TRPM8: variants seen among roughly 807,000 people sequenced by gnomAD.
The protein encoded by TRPM8 is TRPM8 cationic channel.
TRPM8 carries 110 observed loss-of-function variants against 133.7 expected under a neutral mutation model. The ratio of observed to expected loss-of-function variants is 0.82; its 90% CI spans 0.70 to 0.96. The LOEUF is 0.96. Among genes scored for constraint, TRPM8 ranks in the 40% least tolerant of loss-of-function variants. The probability of loss-of-function intolerance (pLI) is 0.00; values close to 1 mark genes in which losing one functional copy is unlikely to be tolerated. For missense variants in TRPM8, 1,291 were observed against 1,379.5 expected (o/e 0.94, Z 1.02); for synonymous variants, 535 against 532.3 (o/e 1.01, Z -0.07).
chr2:233,926,912 A>G (rs181297131), intron 2 of TRPM8, among the ~76,000 whole-genome samples: 2 of 152,062 alleles, frequency 1.3e-5, no homozygotes, highest in Admixed American at 1.3e-4. Context: ...ACTCCTTCAC[A>G]CTGTCTCTCC....
intron 23 of TRPM8, 37 bp from the exon 24 acceptor site, chr2:234,008,033 C>A: frequency 1.9e-6 from 3 of 1,601,466 alleles, no homozygotes; most frequent in Non-Finnish European, 1.7e-6. Context: ...ATCTGTTTTT[C>A]TCTTGTTCAC....
chr2:234,012,786 A>G (rs973859279), intron 24 of TRPM8, among the ~76,000 whole-genome samples: 3 of 151,732 alleles, frequency 2.0e-5, no homozygotes, highest in African/African-American at 4.8e-5. Context: ...AGTTCCTTCT[A>G]TATCGATTTT....
chr2:233,947,042 T>C (rs1481237768), intron 7 of TRPM8, 46 bp from the exon 8 acceptor site: 1 of 1,577,718 alleles, frequency 6.3e-7, no homozygotes, highest in East Asian at 2.2e-5. Flanking sequence ...GGTAGGTGAG[T>C]ATTTCTAATG....
At chr2:233,995,413 T>A (rs1231032826) in intron 21 of TRPM8, among the ~76,000 whole-genome samples, 3 of 152,228 alleles carry the variant, frequency 2.0e-5, no homozygotes, top group African/African-American at 7.2e-5. Context: ...TTAATCATTA[T>A]GGAAGTAATT....
intron 7 of TRPM8, among the ~76,000 whole-genome samples, chr2:233,946,510 C>T (rs2125116816): frequency 6.6e-6 from 1 of 152,258 alleles, no homozygotes; most frequent in Middle Eastern, 3.4e-3. Context: ...GAGTGAAAGC[C>T]ATTATTTGCC....
At chr2:233,970,077 T>C in intron 16 of TRPM8, 133 bp from the exon 17 acceptor site, 2 of 868,640 alleles carry the variant, frequency 2.3e-6, no homozygotes, top group African/African-American at 3.3e-5. Context: ...TGGTTCCATC[T>C]TAGGACACGG....
At chr2:233,976,892 A>G (rs564085479) in intron 17 of TRPM8, among the ~76,000 whole-genome samples, 1 of 152,166 alleles carries the variant, frequency 6.6e-6, no homozygotes, top group African/African-American at 2.4e-5. Flanking sequence ...TCTGGTCTGC[A>G]GACTCATGCA....
rs1270949146 is a variant in TRPM8 at position 234,014,559 on chromosome 2, A to C, written c.3265-3A>C. 6.5e-7 allele frequency: 1 copy of C among 1,538,336 alleles called. No homozygotes were observed. The highest frequency in any genetic ancestry group is 8.7e-7 in the Non-Finnish European group (1 of 1,146,370). On this transcript the variant is annotated splice_region_variant and splice_polypyrimidine_tract_variant and intron_variant, in intron 24 of 25. Transcript: ENST00000324695. ...ATGAGTTCTATTTTTTTCTCTTTCCAAGCTTAATGATCTCAAGGGTCTTCT... is the reference window on the plus strand; with the variant it reads ...ATGAGTTCTATTTTTTTCTCTTTCCCAGCTTAATGATCTCAAGGGTCTTCT...
intron 1 of TRPM8, among the ~76,000 whole-genome samples, chr2:233,920,560 C>T (rs1308074806): frequency 6.6e-6 from 1 of 152,198 alleles, no homozygotes; most frequent in East Asian, 1.9e-4. Context: ...AACTTGCATT[C>T]AGGACATTCT....
chr2:233,923,400 C>T (rs1691449696), intron 1 of TRPM8, among the ~76,000 whole-genome samples: 1 of 152,198 alleles, frequency 6.6e-6, no homozygotes, highest in African/African-American at 2.4e-5. Flanking sequence ...TTCTCCATGG[C>T]TCCTCTAGCA....
chr2:233,955,324 C>A (rs916204837), intron 11 of TRPM8, 74 bp downstream of exon 11: 1 of 1,061,874 alleles, frequency 9.4e-7, no homozygotes, highest in Non-Finnish European at 1.4e-6. Context: ...TGATCCATTT[C>A]CAACAAGGTC....
chr2:233,978,316 C>T (rs1192593970), intron 17 of TRPM8, among the ~76,000 whole-genome samples: 1 of 151,924 alleles, frequency 6.6e-6, no homozygotes, highest in Non-Finnish European at 1.5e-5. Flanking sequence ...GACAAGGCCT[C>T]TCAAGCTATG....
intron 20 of TRPM8, among the ~76,000 whole-genome samples, chr2:233,985,364 G>A (rs189734334): frequency 6.6e-6 from 1 of 152,180 alleles, no homozygotes; most frequent in African/African-American, 2.4e-5. Context: ...CACTTTACAT[G>A]GACTGAGACT....
chr2:233,960,471 A>T (rs948824149), intron 11 of TRPM8, among the ~76,000 whole-genome samples: 3 of 152,114 alleles, frequency 2.0e-5, no homozygotes, highest in Non-Finnish European at 4.4e-5. Context: ...GACCAACATT[A>T]TCTCTACATG....
chr2:233,958,847 A>C (rs953487680), intron 11 of TRPM8, among the ~76,000 whole-genome samples: 11 of 152,100 alleles, frequency 7.2e-5, no homozygotes, highest in Non-Finnish European at 1.5e-4. Context: ...GAAGACATCC[A>C]CCTAGACCAG....
At chr2:233,920,296 T>A (rs1559513380) in intron 1 of TRPM8, among the ~76,000 whole-genome samples, 1 of 152,232 alleles carries the variant, frequency 6.6e-6, no homozygotes, top group African/African-American at 2.4e-5. Flanking sequence ...TTTTAATTTT[T>A]ACTGAGGTTA....
At chr2:233,918,408 G>T (rs1691344592) in intron 1 of TRPM8, among the ~76,000 whole-genome samples, 1 of 151,092 alleles carries the variant, frequency 6.6e-6, no homozygotes, top group Non-Finnish European at 1.5e-5. Flanking sequence ...CACTATCTTT[G>T]TTTTGCCTAA....
chr2:233,982,002 A>C, intron 19 of TRPM8, 87 bp downstream of exon 19: 1 of 1,382,738 alleles, frequency 7.2e-7, no homozygotes, highest in Non-Finnish European at 9.7e-7. Flanking sequence ...TTGTCCTTAG[A>C]ACGACTGTTG....
chr2:233,933,731 G>A (rs762331059), intron 3 of TRPM8: 1 of 159,402 alleles, frequency 6.3e-6, no homozygotes, highest in Non-Finnish European at 1.5e-5. Flanking sequence ...ATGGGGCGGG[G>A]AATTCTCTCC....
Sources: allele counts gnomAD v4.1 joint callset (sites outside exome capture counted in the v4.1 genomes callset), GRCh38; gene constraint gnomAD v4.1.1; transcripts MANE v1.5; gene names NCBI Gene and HGNC (gene_info 2026-07-23, HGNC 2026-07-21).